RARB: variants seen among roughly 807,000 people sequenced by gnomAD.
RARB encodes the protein retinoic acid receptor beta, also known as HBV-activated protein.
In RARB, 17 loss-of-function variants were observed where a neutral mutation model predicts 51.9. The ratio of observed to expected loss-of-function variants is 0.33; its 90% CI spans 0.22 to 0.49. The LOEUF (loss-of-function observed/expected upper bound fraction) is 0.49. RARB is among the 20% of genes least tolerant of loss of function. The probability of loss-of-function intolerance (pLI) is 0.99; values close to 1 mark genes in which losing one functional copy is unlikely to be tolerated. For missense variants in RARB, 369 were observed against 550.8 expected, an observed-to-expected ratio of 0.67 and a Z score of 3.30; for synonymous variants, 215 against 195.4, an observed-to-expected ratio of 1.10 and a Z score of -0.84.
At chr3:24,964,409 T>C (rs887956895) in intron 2 of RARB, among the ~76,000 whole-genome samples, 5 of 152,206 alleles carry the variant, frequency 3.3e-5, no homozygotes, top group African/African-American at 9.6e-5. Flanking sequence ...CTGTTGGTAT[T>C]GGCCTCTAGC....
intron 5 of RARB, among the ~76,000 whole-genome samples, chr3:25,398,528 C>T (rs1707178231): frequency 6.6e-6 from 1 of 152,124 alleles, no homozygotes; most frequent in South Asian, 2.1e-4. Context: ...TTAGAAAACA[C>T]AACACAGTTG....
Position 24,857,752 on chromosome 3 carries a change from CAAAAA to C in RARB, c.-458-918_-458-914del, listed in dbSNP as rs1032326102. On this transcript the variant is annotated intron_variant, in intron 1 of 11. Coordinates refer to the RARB transcript ENST00000383772. ...GAACATAGTGAGACCCCTGTCTCTA[CAAAAA>C]AAACAAAACAAAACAAAAAATAGCT... is the stretch of plus-strand genomic sequence containing the variant. Among the ~76,000 whole-genome samples the C allele has an allele frequency of 2.0e-5, 3 of 151,762 alleles. No individual in the cohort carries two copies. The South Asian group carries it at 6.3e-4, about 32-fold the overall frequency.
intron 5 of RARB, among the ~76,000 whole-genome samples, chr3:25,196,231 C>G (rs1332248587): frequency 6.6e-6 from 1 of 151,982 alleles, no homozygotes; most frequent in East Asian, 1.9e-4. Context: ...TCCCCTCACC[C>G]CACAACAGGC....
rs1243514896 is a variant in RARB, at chr3:25,372,139, C to G, written c.179-89054C>G. Among the ~76,000 whole-genome samples, 3 of 152,204 alleles carry G rather than the reference C, an allele frequency of 2.0e-5. No individual in the cohort carries two copies. The East Asian group carries it at 5.8e-4, about 29-fold the overall frequency. On this transcript the variant is annotated intron_variant, in intron 5 of 11. Coordinates refer to the RARB transcript ENST00000383772. ...AAAAAGTTTGGATTTTAAAAGCAAA[C>G]AGAAACCACTGGAGGATTTTAAACA...
At chr3:25,148,223 C>A (rs988377586) in intron 4 of RARB, among the ~76,000 whole-genome samples, 2 of 151,772 alleles carry the variant, frequency 1.3e-5, no homozygotes, top group Admixed American at 6.6e-5. Flanking sequence ...ATGAGCCAAT[C>A]AGGGGGGCAT....
chr3:25,147,778 G>A (rs1366089560), intron 4 of RARB, among the ~76,000 whole-genome samples: 2 of 152,192 alleles, frequency 1.3e-5, no homozygotes, highest in Non-Finnish European at 2.9e-5. Flanking sequence ...TGCAAAGAGG[G>A]CTGGACATGT....
At chr3:25,328,484 C>A (rs1037712942) in intron 5 of RARB, among the ~76,000 whole-genome samples, 1 of 152,240 alleles carries the variant, frequency 6.6e-6, no homozygotes, top group Non-Finnish European at 1.5e-5. Flanking sequence ...CATGCCACTG[C>A]ACTCCAGCTT....
intron 4 of RARB, among the ~76,000 whole-genome samples, chr3:25,137,393 A>G (rs969958461): frequency 2.0e-5 from 3 of 152,082 alleles, no homozygotes; most frequent in Non-Finnish European, 1.5e-5. Context: ...TTAGCTTTAA[A>G]AAAGCTTGGT....
At chr3:25,356,680 A>G (rs927778531) in intron 5 of RARB, among the ~76,000 whole-genome samples, 9 of 152,032 alleles carry the variant, frequency 5.9e-5, no homozygotes, top group African/African-American at 2.2e-4. Flanking sequence ...CCATTCCCTG[A>G]CAGGCCCTGA....
At chr3:25,417,671 T>C (rs1388525474) in intron 5 of RARB, among the ~76,000 whole-genome samples, 3 of 152,214 alleles carry the variant, frequency 2.0e-5, no homozygotes, top group African/African-American at 7.2e-5. Context: ...TTGCCCAGTC[T>C]CAGGTATGTC....
At chr3:24,885,168 G>A (rs1373854805) in intron 2 of RARB, among the ~76,000 whole-genome samples, 1 of 152,108 alleles carries the variant, frequency 6.6e-6, no homozygotes, top group Admixed American at 6.6e-5. Context: ...TTAGCTTGGG[G>A]CAAGCAAAGA....
rs1222387352 is a variant in RARB, at chr3:25,597,466, C to G, written c.*850C>G. On this transcript the variant is annotated 3_prime_UTR_variant, in exon 8 of 8. Transcript: ENST00000330688. ...TAGCCTCCAAGGCAGAAACACTTTT[C>G]AGTGTTAAGTTTTTGTTTACTTGTT... is the stretch of plus-strand genomic sequence containing the variant. 1.3e-5 allele frequency: 2 copies of G among 152,466 alleles called. No individual in the cohort carries two copies. Among genetic ancestry groups the G allele is most frequent in the Non-Finnish European group, 2.9e-5 (2 of 68,016 alleles). 9.4% of individuals were successfully genotyped at this position (152,466 alleles called of 1,614,324 possible). A position where few individuals can be genotyped will look rare whatever the true frequency, so the allele number is the denominator to read the frequency against.
intron 2 of RARB, among the ~76,000 whole-genome samples, chr3:25,464,351 C>T (rs568209403): frequency 2.0e-5 from 3 of 152,030 alleles, no homozygotes; most frequent in Non-Finnish European, 2.9e-5. Context: ...TAGGAAAAAC[C>T]CCAATAAAAA....
chr3:25,106,861 G>C (rs1339585844), intron 3 of RARB, among the ~76,000 whole-genome samples: 1 of 151,266 alleles, frequency 6.6e-6, no homozygotes. Context: ...ATTGACTCCA[G>C]ATTCCATTTT....
chr3:24,955,371 G>A (rs1490851648), intron 2 of RARB, among the ~76,000 whole-genome samples: 1 of 152,164 alleles, frequency 6.6e-6, no homozygotes, highest in Non-Finnish European at 1.5e-5. Flanking sequence ...ACACAGCACA[G>A]GGGTGGGGCA....
At chr3:24,971,336 TTGA>T (rs1377084984) in intron 2 of RARB, among the ~76,000 whole-genome samples, 1 of 152,020 alleles carries the variant, frequency 6.6e-6, no homozygotes, top group African/African-American at 2.4e-5. Context: ...GGACTCTAGA[TTGA>T]TGTTATTTGA....
At chr3:25,283,470 T>A (rs1703573350) in intron 5 of RARB, among the ~76,000 whole-genome samples, 1 of 152,204 alleles carries the variant, frequency 6.6e-6, no homozygotes, top group Non-Finnish European at 1.5e-5. Flanking sequence ...CCTCTGTATC[T>A]CAACACCAGT....
intron 5 of RARB, among the ~76,000 whole-genome samples, chr3:25,201,286 C>T (rs1037910677): frequency 1.3e-5 from 2 of 152,154 alleles, no homozygotes; most frequent in African/African-American, 4.8e-5. Context: ...ATTTTATATC[C>T]TGAGACTTTG....
intron 5 of RARB, among the ~76,000 whole-genome samples, chr3:25,213,713 C>T (rs1442877470): frequency 3.3e-5 from 5 of 152,138 alleles, no homozygotes; most frequent in Non-Finnish European, 7.4e-5. Flanking sequence ...CTGATGGCAA[C>T]GGCAATGAGA....
Sources: gnomAD v4.1 joint callset for allele counts (sites outside exome capture counted in the v4.1 genomes callset) on GRCh38, gnomAD v4.1.1 for gene constraint, MANE v1.5 for transcripts, NCBI Gene and HGNC (gene_info 2026-07-23, HGNC 2026-07-21) for gene names.